Variants in USP54 observed in about 807,000 individuals in gnomAD.
USP54 encodes ubiquitin carboxyl-terminal hydrolase 54.
A neutral mutation model predicts 170.5 loss-of-function variants in USP54; 87 were observed. That is an observed-to-expected ratio of 0.51 (90% CI 0.43 to 0.61). The LOEUF is 0.61. Ranked by LOEUF, USP54 falls within the 20% of genes least tolerant of loss-of-function variation. The probability of loss-of-function intolerance (pLI) is 0.00; values close to 1 mark genes in which losing one functional copy is unlikely to be tolerated. For synonymous variants in USP54, 655 were observed against 742.8 expected (o/e 0.88, Z 1.92); for missense variants, 1,786 against 2,047.8 (o/e 0.87, Z 2.47).
chr10:73,528,758 ACAGGCGTGAGCCAACAT>A (rs1400091366), intron 15 of USP54, among the ~76,000 whole-genome samples: 3 of 152,128 alleles, frequency 2.0e-5, no homozygotes, highest in Admixed American at 2.0e-4. Flanking sequence ...GCCTGGGATT[ACAGGCGTGAGCCAACAT>A]GCCTGACCTA....
chr10:73,579,280 A>C (rs2076555120), intron 1 of USP54, among the ~76,000 whole-genome samples: 1 of 152,096 alleles, frequency 6.6e-6, no homozygotes, highest in Non-Finnish European at 1.5e-5. Flanking sequence ...CAAAAGCATA[A>C]TGTATAAAAG....
chr10:73,610,396 C>A (rs958111321), intron 1 of USP54, among the ~76,000 whole-genome samples: 1 of 151,950 alleles, frequency 6.6e-6, no homozygotes, highest in East Asian at 1.9e-4. Flanking sequence ...CCAAGGTGGG[C>A]GGATCACTCG....
intron 12 of USP54, 35 bp from the exon 13 acceptor site, chr10:73,530,870 C>T (rs1272110222): frequency 6.2e-7 from 1 of 1,611,962 alleles, no homozygotes; most frequent in Admixed American, 1.7e-5. Context: ...AAGCTGGTAT[C>T]TGAGACTAAC....
chr10:73,528,317 T>C (rs2063324609), intron 15 of USP54, among the ~76,000 whole-genome samples: 1 of 152,050 alleles, frequency 6.6e-6, no homozygotes, highest in Admixed American at 6.6e-5. Flanking sequence ...AATGGCACGA[T>C]CTTGGCTCAC....
chr10:73,594,926 T>A (rs1415073110), upstream of USP54, among the ~76,000 whole-genome samples: 1 of 151,786 alleles, frequency 6.6e-6, no homozygotes, highest in Non-Finnish European at 1.5e-5. Flanking sequence ...TTTTTTTTTT[T>A]AATCTTGGTT....
chr10:73,609,521 G>C (rs2079953683), intron 1 of USP54, among the ~76,000 whole-genome samples: 1 of 152,024 alleles, frequency 6.6e-6, no homozygotes, highest in South Asian at 2.1e-4. Flanking sequence ...AGACCAACCT[G>C]GCCAACATGG....
chr10:73,611,542 G>A (rs1032788005), intron 1 of USP54: 5 of 150,842 alleles, frequency 3.3e-5, no homozygotes, highest in African/African-American at 1.2e-4. Flanking sequence ...TGTAATCCCA[G>A]CACTTTGGGA....
chr10:73,578,612 AG>A (rs1319479806), intron 1 of USP54, among the ~76,000 whole-genome samples: 10 of 152,118 alleles, frequency 6.6e-5, no homozygotes, highest in Admixed American at 1.3e-4. Context: ...GGATTTCACC[AG>A]GGGCTGGTCT....
intron 5 of USP54, among the ~76,000 whole-genome samples, chr10:73,543,732 T>C (rs1194655254): frequency 6.6e-6 from 1 of 152,060 alleles, no homozygotes; most frequent in Non-Finnish European, 1.5e-5. Flanking sequence ...ATTTCACCAG[T>C]TTTACATGCA....
intron 5 of USP54, among the ~76,000 whole-genome samples, chr10:73,544,273 T>C (rs1241673456): frequency 1.3e-5 from 2 of 152,236 alleles, no homozygotes; most frequent in African/African-American, 4.8e-5. Context: ...TCACTTTCCC[T>C]TGAGGTCTGT....
intron 15 of USP54, among the ~76,000 whole-genome samples, chr10:73,527,002 T>A (rs1447330195): frequency 2.0e-5 from 3 of 152,252 alleles, no homozygotes; most frequent in Non-Finnish European, 4.4e-5. Flanking sequence ...ACATAATACA[T>A]ATTCAAAATC....
intron 1 of USP54, among the ~76,000 whole-genome samples, chr10:73,577,773 T>G (rs528147945): frequency 1.3e-5 from 2 of 152,288 alleles, no homozygotes; most frequent in African/African-American, 2.4e-5. Context: ...GTGCCAGTCA[T>G]AAGAAGGCAG....
At position 73,586,304 on chromosome 10, in the gene USP54, A is replaced by C. The variant is rs546924357; in HGVS notation, c.-582+4974T>G. 5.3e-5 allele frequency among the ~76,000 whole-genome samples: 8 copies of C among 152,224 alleles called. No individual in the cohort carries two copies. The East Asian group carries it at 1.5e-3, about 29-fold the overall frequency. ...TTCCTCTCCATTTATTCTTGCTGAAAATCTTAACTATCCTACAAGGAAAAG... is the reference window on the plus strand; with the variant it reads ...TTCCTCTCCATTTATTCTTGCTGAACATCTTAACTATCCTACAAGGAAAAG... On this transcript the variant is annotated intron_variant, in intron 1 of 23. Transcript: ENST00000687698.
At chr10:73,536,208 T>C in intron 11 of USP54, 61 bp downstream of exon 11, 1 of 1,584,834 alleles carries the variant, frequency 6.3e-7, no homozygotes, top group South Asian at 1.1e-5. Context: ...TAACTATGAG[T>C]CCCAACTGTT....
intron 4 of USP54, among the ~76,000 whole-genome samples, chr10:73,552,466 TACAC>T (rs374761038): frequency 6.8e-6 from 1 of 146,610 alleles, no homozygotes; most frequent in East Asian, 2.0e-4. Context: ...ATTAAATGAG[TACAC>T]ACACACACAC....
At chr10:73,582,130 T>A (rs1489062242) in intron 1 of USP54, among the ~76,000 whole-genome samples, 1 of 152,078 alleles carries the variant, frequency 6.6e-6, no homozygotes, top group Admixed American at 6.5e-5. Flanking sequence ...CCCAAAGCAG[T>A]CATTCAAAGG....
At chr10:73,512,938 T>C (rs2060445837) in intron 20 of USP54, among the ~76,000 whole-genome samples, 1 of 151,800 alleles carries the variant, frequency 6.6e-6, no homozygotes, top group Non-Finnish European at 1.5e-5. Context: ...GGTGGGAGGA[T>C]CTCTTGAGCC....
chr10:73,530,323 AAGGC>A lies in USP54; in HGVS notation c.1644_1647del (p.Pro549TyrfsTer8). On this transcript the variant is annotated frameshift_variant, in exon 14 of 24. Transcript: ENST00000687698. LOFTEE classifies it high-confidence loss of function. ...TCTATTTCCCAGTCACGAGAGTGTA[AAGGC>A]AGGGTCCTAGGAGGTTTTTTGTCAG... 1 of 1,614,112 alleles carries A rather than the reference AAGGC, an allele frequency of 6.2e-7. No homozygotes were observed. The highest frequency in any genetic ancestry group is 8.5e-7 in the Non-Finnish European group (1 of 1,180,034).
At chr10:73,622,116 A>G (rs1355490309) in intron 1 of USP54, among the ~76,000 whole-genome samples, 1 of 152,170 alleles carries the variant, frequency 6.6e-6, no homozygotes, top group African/African-American at 2.4e-5. Flanking sequence ...CTATTCTACC[A>G]TCTACTAGCT....
Sources: allele counts gnomAD v4.1 joint callset (sites outside exome capture counted in the v4.1 genomes callset), GRCh38; gene constraint gnomAD v4.1.1; transcripts MANE v1.5; gene names NCBI Gene and HGNC (gene_info 2026-07-23, HGNC 2026-07-21).